YIPF7: variants seen among roughly 807,000 people sequenced by gnomAD.
YIPF7 encodes Yip1 domain family member 7.
Under a neutral mutation model 27.2 loss-of-function variants are expected in YIPF7, and 35 were observed. That is an observed-to-expected ratio of 1.29 (90% CI 0.98 to 1.70). YIPF7 has a LOEUF of 1.70. Among genes scored for constraint, YIPF7 ranks in the 40% most tolerant of loss-of-function variants. YIPF7 has a pLI of 0.00. For synonymous variants in YIPF7, 137 were observed against 110.4 expected (o/e 1.24, Z -1.51); for missense variants, 358 against 303.7 (o/e 1.18, Z -1.33).
intron 2 of YIPF7, among the ~76,000 whole-genome samples, chr4:44,644,154 C>T (rs766249623): frequency 2.0e-5 from 3 of 152,100 alleles, no homozygotes; most frequent in Non-Finnish European, 2.9e-5. Flanking sequence ...TTGATGCTGC[C>T]CAAGGCCTTG....
chr4:44,659,322 A>G (rs569772049), intron 2 of YIPF7, among the ~76,000 whole-genome samples: 18 of 107,948 alleles, frequency 1.7e-4, no homozygotes, highest in Non-Finnish European at 3.7e-4. Flanking sequence ...TATTCGAACA[A>G]AACATAAGAG....
intron 3 of YIPF7, among the ~76,000 whole-genome samples, chr4:44,633,670 T>C (rs1352102318): frequency 6.6e-6 from 1 of 151,958 alleles, no homozygotes; most frequent in Admixed American, 6.6e-5. Context: ...ATCACATTTT[T>C]AATATGTCCC....
chr4:44,632,351 T>C (rs1435962913), intron 3 of YIPF7, among the ~76,000 whole-genome samples: 1 of 152,262 alleles, frequency 6.6e-6, no homozygotes, highest in Non-Finnish European at 1.5e-5. Flanking sequence ...TTAAGATCCC[T>C]ACTTTCTACG....
At chr4:44,633,873 A>G (rs1441414549) in intron 3 of YIPF7, among the ~76,000 whole-genome samples, 1 of 152,234 alleles carries the variant, frequency 6.6e-6, no homozygotes, top group African/African-American at 2.4e-5. Context: ...TACATATATG[A>G]GAAATGTCAA....
intron 3 of YIPF7, among the ~76,000 whole-genome samples, chr4:44,634,929 A>C (rs1196986577): frequency 6.6e-6 from 1 of 152,242 alleles, no homozygotes; most frequent in African/African-American, 2.4e-5. Context: ...TAACTGATCC[A>C]GAAACTTGAC....
At chr4:44,636,636 C>G (rs1268282159) in intron 2 of YIPF7, among the ~76,000 whole-genome samples, 5 of 152,060 alleles carry the variant, frequency 3.3e-5, no homozygotes, top group Non-Finnish European at 7.3e-5. Context: ...TAAATACATA[C>G]ACTAATTGCT....
intron 3 of YIPF7, among the ~76,000 whole-genome samples, chr4:44,635,517 C>G (rs965535032): frequency 2.6e-5 from 4 of 152,116 alleles, no homozygotes; most frequent in African/African-American, 9.7e-5. Context: ...GAGAAAATAT[C>G]CACTTTGCTC....
chr4:44,636,729 G>A (rs1713135767), intron 2 of YIPF7, among the ~76,000 whole-genome samples: 1 of 152,074 alleles, frequency 6.6e-6, no homozygotes, highest in African/African-American at 2.4e-5. Context: ...CTAGCTAAAT[G>A]TATTATCTAG....
chr4:44,629,136 G>A (rs1712781457), intron 4 of YIPF7: 2 of 286,584 alleles, frequency 7.0e-6, no homozygotes, highest in Non-Finnish European at 1.3e-5. Context: ...CAGATTTACA[G>A]TCTTTTCTTA....
upstream of YIPF7, among the ~76,000 whole-genome samples, chr4:44,654,936 A>T (rs1255318363): frequency 1.3e-5 from 2 of 151,980 alleles, no homozygotes; most frequent in African/African-American, 2.4e-5. Flanking sequence ...AAGCTCACTT[A>T]AAAAGACTGT....
intron 2 of YIPF7, among the ~76,000 whole-genome samples, chr4:44,649,272 T>C (rs1027881950): frequency 1.3e-5 from 2 of 152,156 alleles, no homozygotes; most frequent in African/African-American, 2.4e-5. Context: ...TGTTAAGTGA[T>C]AGTTTGAAAA....
chr4:44,660,343 G>C (rs1315016278), intron 2 of YIPF7: 1 of 151,990 alleles, frequency 6.6e-6, no homozygotes, highest in Non-Finnish European at 1.5e-5. Context: ...AAATGTGGAG[G>C]AAGCAACGTT....
At chr4:44,652,097 T>TC (rs1713756033), upstream of YIPF7, among the ~76,000 whole-genome samples, 1 of 152,334 alleles carries the variant, frequency 6.6e-6, no homozygotes, top group African/African-American at 2.4e-5. Flanking sequence ...TCTGACTTTT[T>TC]TCCTGCTTCC....
intron 4 of YIPF7, among the ~76,000 whole-genome samples, chr4:44,626,429 G>A (rs1712638368): frequency 6.6e-6 from 1 of 152,134 alleles, no homozygotes; most frequent in Admixed American, 6.5e-5. Context: ...AATGGTATAG[G>A]ACAACTCTCT....
rs1350424225 is a variant in YIPF7 at position 44,622,391 on chromosome 4, T to G, written c.*23A>C. On this transcript the variant is annotated 3_prime_UTR_variant, in exon 6 of 6. Transcript: ENST00000415895. ...ATAATCTGGACAGCAAACAGAGTCTTGAAATGCCATCTCAAACATTCTTTA... is the reference window on the plus strand; with the variant it reads ...ATAATCTGGACAGCAAACAGAGTCTGGAAATGCCATCTCAAACATTCTTTA... The G allele has an allele frequency of 5.0e-6, 8 of 1,602,148 alleles. No individual in the cohort carries two copies. The highest frequency in any genetic ancestry group is 1.3e-5 in the African/African-American group (1 of 74,536).
intron 2 of YIPF7, among the ~76,000 whole-genome samples, chr4:44,660,133 A>AAAAAAAAAAAAAAAAAAAAAG: frequency 6.8e-6 from 1 of 148,044 alleles, no homozygotes; most frequent in African/African-American, 2.5e-5. Context: ...AAAAAAAAAA[A>AAAAAAAAAAAAAAAAAAAAAG]AAACGAACCT....
intron 2 of YIPF7, 116 bp from the exon 3 acceptor site, chr4:44,636,201 T>C (rs938062910): frequency 8.2e-6 from 9 of 1,091,436 alleles, no homozygotes; most frequent in Non-Finnish European, 1.1e-5. Flanking sequence ...TATTTACTCA[T>C]GAAAGAAACA....
chr4:44,625,914 GGAATTA>G (rs1219308085), intron 4 of YIPF7, among the ~76,000 whole-genome samples: 1 of 152,088 alleles, frequency 6.6e-6, no homozygotes, highest in Non-Finnish European at 1.5e-5. Flanking sequence ...GGTTTTCATG[GGAATTA>G]GACAAAAACA....
Position 44,650,017 on chromosome 4 carries a change from A to G in YIPF7, c.84T>C (p.Ser28=). The G allele has an allele frequency of 5.7e-6, 9 of 1,584,040 alleles. No individual in the cohort carries two copies. Among genetic ancestry groups the G allele is most frequent in the Non-Finnish European group, 7.7e-6 (9 of 1,162,608 alleles). Residue 28 remains serine (S), a synonymous_variant, in exon 2 of 6, where the codon TCT becomes TCC. Coordinates refer to ENST00000415895, the MANE Select transcript of YIPF7 (RefSeq NM_182592.3). ...IDNQEQSGND[S]NAYGNLYGSR... is the part of the protein sequence containing the mutation. ...ATCCATAAAGATTTCCATAGGCATTAGAGTCATTACCACTCTGCTCCTGGT... is the reference window on the plus strand; with the variant it reads ...ATCCATAAAGATTTCCATAGGCATTGGAGTCATTACCACTCTGCTCCTGGT...
Sources: allele counts gnomAD v4.1 joint callset (sites outside exome capture counted in the v4.1 genomes callset), GRCh38; gene constraint gnomAD v4.1.1; transcripts MANE v1.5; gene names NCBI Gene and HGNC (gene_info 2026-07-23, HGNC 2026-07-21).